Variants in SORCS3 observed in about 807,000 individuals in gnomAD.
SORCS3 encodes VPS10 domain-containing receptor SorCS3.
A neutral mutation model predicts 146.3 loss-of-function variants in SORCS3; 57 were observed. The ratio of observed to expected loss-of-function variants is 0.39; its 90% CI spans 0.31 to 0.49. The LOEUF is 0.49. Among genes scored for constraint, SORCS3 ranks in the 20% least tolerant of loss-of-function variants. The pLI is 0.92. For missense variants in SORCS3, 1,341 were observed against 1,575.5 expected (o/e 0.85, Z 2.52); for synonymous variants, 653 against 618.5 (o/e 1.06, Z -0.83).
intron 6 of SORCS3, among the ~76,000 whole-genome samples, chr10:105,099,104 A>G (rs946473838): frequency 2.6e-5 from 4 of 152,168 alleles, no homozygotes; most frequent in African/African-American, 9.7e-5. Context: ...CAGCAATATT[A>G]CTTCCTTCCT....
In SORCS3 at chr10:105,245,673, C is replaced by G; in HGVS notation, c.2992+8C>G. 1 of 1,613,740 alleles carries G rather than the reference C, an allele frequency of 6.2e-7. No individual in the cohort carries two copies. Among genetic ancestry groups the G allele is most frequent in the East Asian group, 2.2e-5 (1 of 44,854 alleles). On this transcript the variant is annotated splice_region_variant and intron_variant, in intron 21 of 26. Coordinates refer to ENST00000369701, the MANE Select transcript of SORCS3 (RefSeq NM_014978.3). ...AAGAGATTGCAGTTCATGGTAAGCC[C>G]TGAAAATTGTTCTGTGATGCTCCTT...
intron 1 of SORCS3, among the ~76,000 whole-genome samples, chr10:104,786,042 G>C (rs949101468): frequency 6.6e-6 from 1 of 152,152 alleles, no homozygotes; most frequent in Non-Finnish European, 1.5e-5. Context: ...GGGTGCATGA[G>C]GGGAGGATCC....
intron 1 of SORCS3, among the ~76,000 whole-genome samples, chr10:104,812,248 G>T (rs568066554): frequency 3.9e-5 from 6 of 152,090 alleles, no homozygotes; most frequent in Non-Finnish European, 7.4e-5. Context: ...TTATTCCCAA[G>T]ATTTTGTTTC....
At chr10:105,184,905 G>T (rs1317639797) in intron 14 of SORCS3, among the ~76,000 whole-genome samples, 1 of 152,156 alleles carries the variant, frequency 6.6e-6, no homozygotes, top group Non-Finnish European at 1.5e-5. Context: ...TTATACATCA[G>T]ATTTCTAGAA....
At chr10:105,233,253 GT>G (rs1270351428) in intron 20 of SORCS3, among the ~76,000 whole-genome samples, 2 of 151,808 alleles carry the variant, frequency 1.3e-5, no homozygotes, top group Non-Finnish European at 2.9e-5. Flanking sequence ...CTAAATTCTT[GT>G]CTCTTGCCTC....
At chr10:104,651,760 G>A (rs149288890) in intron 1 of SORCS3, among the ~76,000 whole-genome samples, 32 of 152,070 alleles carry the variant, frequency 2.1e-4, no homozygotes, top group Middle Eastern at 3.4e-3. Context: ...TACTCTACCC[G>A]TATTCCCGGG....
At chr10:104,731,801 A>C (rs1054794473) in intron 1 of SORCS3, among the ~76,000 whole-genome samples, 2 of 152,192 alleles carry the variant, frequency 1.3e-5, no homozygotes, top group African/African-American at 4.8e-5. Flanking sequence ...CACTGTTCAA[A>C]GCATGAGTGA....
In SORCS3 at chr10:104,727,196, GTGAATAAATTACCAT is replaced by G. The variant is rs1219171693; in HGVS notation, c.627+85255_627+85269del. Reference sequence around the variant, plus strand: ...ATATTATTTGCTGCATGAAGGAATGGTGAATAAATTACCATTGAATAAATTACGTAGTTGTAATGA... The same window carrying G: ...ATATTATTTGCTGCATGAAGGAATGGTGAATAAATTACGTAGTTGTAATGA... On this transcript the variant is annotated intron_variant, in intron 1 of 26. Transcript: ENST00000369701. Among the ~76,000 whole-genome samples, 15 of 152,336 alleles carry G rather than the reference GTGAATAAATTACCAT, an allele frequency of 9.8e-5. 2 individuals carry two copies. The highest frequency in any genetic ancestry group is 3.4e-4 in the African/African-American group (14 of 41,566).
intron 1 of SORCS3, among the ~76,000 whole-genome samples, chr10:104,756,115 G>A (rs1486340508): frequency 6.6e-6 from 1 of 152,182 alleles, no homozygotes; most frequent in East Asian, 1.9e-4. Flanking sequence ...CATGTGGTTA[G>A]AGGAAGTCGA....
chr10:104,789,656 T>C (rs2017474462), intron 1 of SORCS3, among the ~76,000 whole-genome samples: 1 of 152,198 alleles, frequency 6.6e-6, no homozygotes, highest in South Asian at 2.1e-4. Flanking sequence ...ATGGATGAAT[T>C]CAAAAATAAA....
At chr10:105,043,925 C>G (rs940085932) in intron 5 of SORCS3, among the ~76,000 whole-genome samples, 1 of 151,962 alleles carries the variant, frequency 6.6e-6, no homozygotes, top group African/African-American at 2.4e-5. Flanking sequence ...AAGTTTTGTA[C>G]AAATTTGCCT....
intron 4 of SORCS3, among the ~76,000 whole-genome samples, chr10:105,005,367 A>G (rs1312033588): frequency 6.6e-6 from 1 of 152,228 alleles, no homozygotes; most frequent in Non-Finnish European, 1.5e-5. Context: ...TTACAGACAT[A>G]TATGCATAGA....
chr10:105,158,105 G>A (rs961134392), intron 10 of SORCS3, among the ~76,000 whole-genome samples: 2 of 152,130 alleles, frequency 1.3e-5, no homozygotes, highest in African/African-American at 2.4e-5. Context: ...TCAGGTACTA[G>A]GAGGGTCAGA....
intron 22 of SORCS3, among the ~76,000 whole-genome samples, chr10:105,251,473 C>A (rs573354169): frequency 1.8e-4 from 28 of 152,060 alleles, no homozygotes; most frequent in African/African-American, 6.5e-4. Flanking sequence ...CAGATGTAAT[C>A]ATGTGTCACG....
chr10:104,811,288 A>G (rs1432779251), intron 1 of SORCS3, among the ~76,000 whole-genome samples: 1 of 152,174 alleles, frequency 6.6e-6, no homozygotes, highest in Non-Finnish European at 1.5e-5. Context: ...CCTGCAAACA[A>G]TCAACCACCA....
intron 20 of SORCS3, among the ~76,000 whole-genome samples, chr10:105,224,515 G>C (rs1291918203): frequency 3.9e-5 from 6 of 152,106 alleles, no homozygotes. Flanking sequence ...TTGCTTCTAA[G>C]TTTTGGCAAT....
chr10:104,928,762 G>A (rs2019176567), intron 3 of SORCS3, among the ~76,000 whole-genome samples: 1 of 152,160 alleles, frequency 6.6e-6, no homozygotes, highest in Admixed American at 6.5e-5. Flanking sequence ...CCCACATGTT[G>A]GGGTCTGAGC....
At chr10:105,024,849 A>G (rs1435085765) in intron 4 of SORCS3, among the ~76,000 whole-genome samples, 3 of 152,234 alleles carry the variant, frequency 2.0e-5, no homozygotes, top group African/African-American at 2.4e-5. Flanking sequence ...GTAACAAAAC[A>G]GGCCTGTGTG....
chr10:105,127,114 G>A (rs762855151), intron 7 of SORCS3, among the ~76,000 whole-genome samples: 7 of 152,168 alleles, frequency 4.6e-5, no homozygotes, highest in South Asian at 4.1e-4. Flanking sequence ...CATGATTAAC[G>A]TTCAAGGAAT....
Sources: allele counts gnomAD v4.1 joint callset (sites outside exome capture counted in the v4.1 genomes callset), GRCh38; gene constraint gnomAD v4.1.1; transcripts MANE v1.5; gene names NCBI Gene and HGNC (gene_info 2026-07-23, HGNC 2026-07-21).